Variants in GATD1 observed in about 807,000 individuals in gnomAD.
GATD1 encodes the protein glutamine amidotransferase-like class 1 domain-containing protein 1.
In GATD1, 23 loss-of-function variants were observed where a neutral mutation model predicts 25.9. The observed-to-expected ratio is 0.89, with a 90% CI of 0.64 to 1.26. The LOEUF is 1.26. Among genes scored for constraint, GATD1 ranks in the 50% most tolerant of loss-of-function variants. GATD1 has a pLI of 0.00. For missense variants in GATD1, 347 were observed against 312.5 expected (o/e 1.11, Z -0.83); for synonymous variants, 177 against 134.6 (o/e 1.31, Z -2.18).
At chr11:773,711 G>A (rs1335254269) in intron 3 of GATD1, 82 bp from the exon 4 acceptor site, 8 of 1,049,592 alleles carry the variant, frequency 7.6e-6, no homozygotes, top group African/African-American at 1.6e-5. Context: ...GCGTGGCCAG[G>A]ACAGACCCTC....
chr11:771,030 G>C lies in GATD1; in HGVS notation c.619C>G (p.Pro207Ala), dbSNP rs772518288. The C allele has an allele frequency of 6.2e-7, 1 of 1,613,162 alleles. No homozygotes were observed. The highest frequency in any genetic ancestry group is 1.1e-5 in the South Asian group (1 of 91,058). Residue 207 changes from proline to alanine, a missense_variant, in exon 7 of 8, where the codon CCG becomes GCG. Coordinates refer to ENST00000319863, the MANE Select transcript of GATD1 (RefSeq NM_182612.4). ...VTGQNASSTV[P>A]AVQNLLFLCG... Reference sequence around the variant, plus strand: ...AGGAAGAGCAGGTTCTGCACGGCCGGGACAGTGGAGCTGGCATTCTGGCCT... The same window carrying C: ...AGGAAGAGCAGGTTCTGCACGGCCGCGACAGTGGAGCTGGCATTCTGGCCT...
chr11:767,767 C>G lies in GATD1; in HGVS notation c.*3130G>C. 3.2e-6 allele frequency: 1 copy of G among 310,970 alleles called. No individual in the cohort carries two copies. Among genetic ancestry groups the G allele is most frequent in the East Asian group, 1.3e-4 (1 of 7,844 alleles). The allele number at this position is 310,970 out of a possible 1,614,324, so 19.3% of individuals were successfully genotyped here. ...ATCACCCTCACAAAAGAGGTTGCAT[C>G]TACTGGTGCTTTCATCTTGGGCTTC... On this transcript the variant is annotated 3_prime_UTR_variant, in exon 8 of 8. Transcript: ENST00000319863.
chr11:772,303 G>C, intron 5 of GATD1, 124 bp downstream of exon 5: 1 of 598,126 alleles, frequency 1.7e-6, no homozygotes. Context: ...GGGGAGGACA[G>C]AGCAGGGAGC....
chr11:775,138 C>T lies in GATD1; in HGVS notation c.69G>A (p.Val23=). 1 of 1,600,554 alleles carries T rather than the reference C, an allele frequency of 6.2e-7. No homozygotes were observed. The highest frequency in any genetic ancestry group is 8.5e-7 in the Non-Finnish European group (1 of 1,174,900). The change falls in exon 2 of 8, where the codon GTG becomes GTA. Residue 23 remains valine, a synonymous_variant. Coordinates refer to ENST00000319863, the MANE Select transcript of GATD1 (RefSeq NM_182612.4). ...AACAGTGGAGGAAGGACTGGGCCGA[C>T]ACACCTGCAGAAGGTCCCAGTGAGT... The part of the protein sequence containing the change: ...LLVASGAAEG[V]SAQSFLHCFT...
chr11:772,901 C>G (rs1204413373), intron 4 of GATD1, among the ~76,000 whole-genome samples: 5 of 152,218 alleles, frequency 3.3e-5, no homozygotes, highest in Non-Finnish European at 5.9e-5. Context: ...CCCGGCTAGA[C>G]AGGACGCCCC....
In GATD1 at chr11:771,375, C is replaced by A. The variant is rs751261234; in HGVS notation, c.502G>T (p.Val168Leu). 13 of 1,585,672 alleles carry A rather than the reference C, an allele frequency of 8.2e-6. 1 individual carries two copies. Among genetic ancestry groups the A allele is most frequent in the South Asian group, 2.3e-5 (2 of 87,606 alleles). Residue 168 changes from valine to leucine, a missense_variant, in exon 6 of 8, where the codon GTG (valine) becomes TTG (leucine). Transcript: ENST00000319863. ...GAATCCTTCACGAAGTCCTCCACCA[C>A]GAGCGGCAGGCGGGCGAAGCCGGGG... Reference protein sequence around the residue: ...RAPGFARLPLVVEDFVKDSGA... With the variant: ...RAPGFARLPLLVEDFVKDSGA...
Position 770,046 on chromosome 11 carries a change from C to G in GATD1, c.*851G>C. 1 of 1,145,294 alleles carries G rather than the reference C, an allele frequency of 8.7e-7. No homozygotes were observed. The highest frequency in any genetic ancestry group is 1.1e-6 in the Non-Finnish European group (1 of 933,468). The allele number at this position is 1,145,294 out of a possible 1,614,324, so 70.9% of individuals were successfully genotyped here. On this transcript the variant is annotated 3_prime_UTR_variant, in exon 8 of 8. Transcript: ENST00000319863. ...GGAAGAAGGCCTTCGATGGCTCAAA[C>G]TGGGGAACTGTGAGGAAGTAGAGGG...
Position 773,580 on chromosome 11 carries a change from G to C in GATD1, c.297C>G (p.Thr99=), listed in dbSNP as rs143170030. The part of the protein sequence containing the change: ...LLIPSCPGAL[T]DLASSGSLAR... The stretch of plus-strand genomic sequence containing the variant: ...CCAGGGAGCCACTGCTGGCCAGGTC[G>C]GTCAGGGCCCCAGGACAGCTGGGGA... The change falls in exon 4 of 8, where the codon ACC becomes ACG. Residue 99 remains threonine, a synonymous_variant. Transcript: ENST00000319863. 2.6e-5 allele frequency: 42 copies of C among 1,610,138 alleles called. No homozygotes were observed. In the East Asian group the frequency reaches 8.7e-4, roughly 33 times the overall value.
chr11:769,060 C>A lies in GATD1; in HGVS notation c.*1837G>T. Reference sequence around the variant, plus strand: ...AGGTTGCAGTGAGCCAAGATTGTGCCACTGCACTCCAGCCTGGGTGACGAG... The same window carrying A: ...AGGTTGCAGTGAGCCAAGATTGTGCAACTGCACTCCAGCCTGGGTGACGAG... On this transcript the variant is annotated 3_prime_UTR_variant, in exon 8 of 8. Coordinates refer to ENST00000319863, the MANE Select transcript of GATD1 (RefSeq NM_182612.4). 1 of 868,126 alleles carries A rather than the reference C, an allele frequency of 1.2e-6. No individual in the cohort carries two copies. The highest frequency in any genetic ancestry group is 1.4e-6 in the Non-Finnish European group (1 of 723,194). 53.8% of individuals were successfully genotyped at this position (868,126 alleles called of 1,614,324 possible).
Position 773,640 on chromosome 11 carries a change from A to G in GATD1, c.248-11T>C, listed in dbSNP as rs1378422362. On this transcript the variant is annotated splice_polypyrimidine_tract_variant and intron_variant, in intron 3 of 7. Transcript: ENST00000319863. ...CATGGTACCGGGCACCTGGGGGGAG[A>G]CCACAAACCAGGTAGCAGCCACATG... The G allele has an allele frequency of 3.8e-6, 6 of 1,586,736 alleles. No individual in the cohort carries two copies. Among genetic ancestry groups the G allele is most frequent in the Admixed American group, 3.5e-5 (2 of 56,446 alleles).
Position 773,690 on chromosome 11 carries a change from C to T in GATD1, c.248-61G>A, listed in dbSNP as rs573324594. The T allele has an allele frequency of 1.1e-5, 14 of 1,317,618 alleles. No individual in the cohort carries two copies. In the Admixed American group the frequency reaches 2.6e-4, roughly 24 times the overall value. The allele number at this position is 1,317,618 out of a possible 1,614,324, so 81.6% of individuals were successfully genotyped here. On this transcript the variant is annotated intron_variant, in intron 3 of 7. Coordinates refer to ENST00000319863, the MANE Select transcript of GATD1 (RefSeq NM_182612.4). ...GTCAAAGTGAGACTACCTGCAGGAC[C>T]AGGCCCGAGTGCGTGGCCAGGACAG... is the stretch of plus-strand genomic sequence containing the variant.
At position 774,102 on chromosome 11, in the gene GATD1, C is replaced by G; in HGVS notation, c.153G>C (p.Met51Ile). ...TGCTCTCAGTCACATCCACAAATTC[C>G]ATGGCTTTCCCCTGGAGAAGCAGAG... ...LQVATPGGKA[M>I]EFVDVTESNA... Residue 51 changes from methionine to isoleucine, a missense_variant, in exon 3 of 8, where the codon ATG becomes ATC. By Grantham distance (10) the Met-to-Ile change is conservative. Transcript: ENST00000319863. 6.2e-7 allele frequency: 1 copy of G among 1,613,564 alleles called. No individual in the cohort carries two copies. The highest frequency in any genetic ancestry group is 8.5e-7 in the Non-Finnish European group (1 of 1,179,940).
Position 769,791 on chromosome 11 carries a change from G to A in GATD1, c.*1106C>T, listed in dbSNP as rs1863272992. On this transcript the variant is annotated 3_prime_UTR_variant, in exon 8 of 8. Coordinates refer to ENST00000319863, the MANE Select transcript of GATD1 (RefSeq NM_182612.4). ...TGCCAGGCTAACTTTTTGTATTTTT[G>A]TTTTTTAGTAGAGATGGGGTTTCAC... 1 of 458,552 alleles carries A rather than the reference G, an allele frequency of 2.2e-6. No individual in the cohort carries two copies. Among genetic ancestry groups the A allele is most frequent in the Non-Finnish European group, 2.9e-6 (1 of 348,984 alleles). 28.4% of individuals were successfully genotyped at this position (458,552 alleles called of 1,614,324 possible). A position where few individuals can be genotyped will look rare whatever the true frequency, so the allele number is the denominator to read the frequency against.
chr11:774,984 C>T (rs1237226034), intron 2 of GATD1, 82 bp downstream of exon 2: 17 of 1,313,962 alleles, frequency 1.3e-5, no homozygotes, highest in Non-Finnish European at 1.6e-5. Flanking sequence ...TCCCAGGCCG[C>T]GGCGGCAGTC....
At chr11:775,854 C>T (rs1036440872) in intron 1 of GATD1, among the ~76,000 whole-genome samples, 8 of 152,202 alleles carry the variant, frequency 5.3e-5, no homozygotes, top group African/African-American at 9.6e-5. Context: ...AAGGACACAG[C>T]CCCGCCCACC....
In GATD1 at chr11:769,765, A is replaced by C. The variant is rs573987519; in HGVS notation, c.*1132T>G. 6.1e-5 allele frequency: 17 copies of C among 278,790 alleles called. No individual in the cohort carries two copies. The highest frequency in any genetic ancestry group is 4.5e-4 in the Admixed American group (7 of 15,394). 17.3% of individuals were successfully genotyped at this position (278,790 alleles called of 1,614,324 possible). On this transcript the variant is annotated 3_prime_UTR_variant, in exon 8 of 8. Coordinates refer to ENST00000319863, the MANE Select transcript of GATD1 (RefSeq NM_182612.4). ...GCTGGGACTACACACACCCACCACC[A>C]TGCCAGGCTAACTTTTTGTATTTTT...
rs1253478469 is a variant in GATD1 at position 770,157 on chromosome 11, G to A, written c.*740C>T. On this transcript the variant is annotated 3_prime_UTR_variant, in exon 8 of 8. Coordinates refer to ENST00000319863, the MANE Select transcript of GATD1 (RefSeq NM_182612.4). ...GCCCAGGCCAGGTGCCCAGCAGGCT[G>A]GACCACTGTCTGCTCTTGATAGCCG... 7.9e-7 allele frequency: 1 copy of A among 1,261,566 alleles called. No individual in the cohort carries two copies. Among genetic ancestry groups the A allele is most frequent in the Non-Finnish European group, 1.0e-6 (1 of 1,002,266 alleles). The allele number at this position is 1,261,566 out of a possible 1,614,324, so 78.1% of individuals were successfully genotyped here.
At chr11:771,630 G>A (rs1863456665) in intron 5 of GATD1, among the ~76,000 whole-genome samples, 1 of 152,210 alleles carries the variant, frequency 6.6e-6, no homozygotes, top group South Asian at 2.1e-4. Context: ...GTCCCTGAGA[G>A]CGACACGGCC....
Position 770,670 on chromosome 11 carries a change from G to T in GATD1, c.*227C>A, listed in dbSNP as rs1160238381. ...TCCAGGCACGTGGGGTCTTTTCTCT[G>T]CCTCCTACCAGAGAACATGCAGGAG... On this transcript the variant is annotated 3_prime_UTR_variant, in exon 8 of 8. Transcript: ENST00000319863. The T allele has an allele frequency of 4.9e-6, 7 of 1,420,318 alleles. No individual in the cohort carries two copies. Among genetic ancestry groups the T allele is most frequent in the Non-Finnish European group, 6.4e-6 (7 of 1,090,878 alleles). The allele number at this position is 1,420,318 out of a possible 1,614,324, so 88.0% of individuals were successfully genotyped here. A position where few individuals can be genotyped will look rare whatever the true frequency, so the allele number is the denominator to read the frequency against.
Sources: allele counts gnomAD v4.1 joint callset (sites outside exome capture counted in the v4.1 genomes callset), GRCh38; gene constraint gnomAD v4.1.1; transcripts MANE v1.5; gene names NCBI Gene and HGNC (gene_info 2026-07-23, HGNC 2026-07-21).